ZNF609: variants seen among roughly 807,000 people sequenced by gnomAD.
ZNF609 encodes the protein zinc finger protein 609.
A neutral mutation model predicts 109.5 loss-of-function variants in ZNF609; 11 were observed. The ratio of observed to expected loss-of-function variants is 0.10; its 90% CI spans 0.06 to 0.17. The LOEUF is 0.17. Ranked by LOEUF, ZNF609 falls within the 10% of genes least tolerant of loss-of-function variation. The pLI, the probability that ZNF609 is intolerant of heterozygous loss-of-function variation, is 1.00. For synonymous variants in ZNF609, 646 were observed against 662.0 expected (o/e 0.98, Z 0.37); for missense variants, 1,559 against 1,772.4 (o/e 0.88, Z 2.16).
intron 3 of ZNF609, among the ~76,000 whole-genome samples, chr15:64,663,287 G>A (rs1896605054): frequency 6.6e-6 from 1 of 152,164 alleles, no homozygotes; most frequent in African/African-American, 2.4e-5. Context: ...TGATGGTCAG[G>A]TGTGGGGACA....
At chr15:64,463,945 T>C (rs1892976718) in intron 1 of ZNF609, among the ~76,000 whole-genome samples, 1 of 152,178 alleles carries the variant, frequency 6.6e-6, no homozygotes, top group East Asian at 1.9e-4. Flanking sequence ...TGATTAGATT[T>C]AGTGGCTTCA....
chr15:64,653,335 T>A (rs1896444091), intron 3 of ZNF609, among the ~76,000 whole-genome samples: 1 of 152,094 alleles, frequency 6.6e-6, no homozygotes, highest in Non-Finnish European at 1.5e-5. Context: ...TTTGTCCCCC[T>A]CATTCTAGAT....
intron 2 of ZNF609, among the ~76,000 whole-genome samples, chr15:64,537,307 A>T (rs1375700608): frequency 6.6e-6 from 1 of 151,710 alleles, no homozygotes; most frequent in African/African-American, 2.4e-5. Flanking sequence ...AGACCACCCT[A>T]ACCAACATGG....
intron 2 of ZNF609, among the ~76,000 whole-genome samples, chr15:64,519,949 G>A (rs780032420): frequency 6.6e-6 from 1 of 152,142 alleles, no homozygotes; most frequent in African/African-American, 2.4e-5. Flanking sequence ...GTATATGGAG[G>A]TTATAGTATA....
intron 8 of ZNF609, 97 bp downstream of exon 8, chr15:64,680,959 G>A (rs1204702873): frequency 1.5e-6 from 2 of 1,369,772 alleles, no homozygotes; most frequent in African/African-American, 1.5e-5. Context: ...CCTCCTACCT[G>A]CCTCATAAGA....
At chr15:64,625,020 AG>A (rs1477128617) in intron 3 of ZNF609, among the ~76,000 whole-genome samples, 1 of 152,004 alleles carries the variant, frequency 6.6e-6, no homozygotes, top group Non-Finnish European at 1.5e-5. Flanking sequence ...AACCTCCCAA[AG>A]TGCTGGGATT....
intron 1 of ZNF609, among the ~76,000 whole-genome samples, chr15:64,486,543 T>C (rs1263918031): frequency 2.7e-5 from 4 of 149,052 alleles, no homozygotes; most frequent in African/African-American, 9.9e-5. Flanking sequence ...AAAAAAAAAA[T>C]TGTTTTGTCT....
In ZNF609 at chr15:64,591,868, C is replaced by T. The variant is rs186184243; in HGVS notation, c.748-30959C>T. On this transcript the variant is annotated intron_variant, in intron 2 of 9. Coordinates refer to ENST00000326648, the MANE Select transcript of ZNF609 (RefSeq NM_015042.2). The stretch of plus-strand genomic sequence containing the variant: ...CTGGGACGACCGGCACACACCACCA[C>T]GCCCAGCTAATTTTTCTATTTTCAG... Among the ~76,000 whole-genome samples, 8 of 152,224 alleles carry T rather than the reference C, an allele frequency of 5.3e-5. No homozygotes were observed. The East Asian group carries it at 5.8e-4, about 11-fold the overall frequency.
chr15:64,562,473 C>G, intron 2 of ZNF609, among the ~76,000 whole-genome samples: 1 of 152,186 alleles, frequency 6.6e-6, no homozygotes, highest in South Asian at 2.1e-4. Flanking sequence ...CATCCTACCA[C>G]TATGCCTGGT....
intron 3 of ZNF609, among the ~76,000 whole-genome samples, chr15:64,638,574 T>C (rs1466138232): frequency 6.6e-6 from 1 of 152,082 alleles, no homozygotes; most frequent in Non-Finnish European, 1.5e-5. Flanking sequence ...AGCAAGTCAC[T>C]GATATCATTT....
intron 3 of ZNF609, among the ~76,000 whole-genome samples, chr15:64,642,291 C>G (rs896040192): frequency 6.6e-6 from 1 of 152,084 alleles, no homozygotes; most frequent in African/African-American, 2.4e-5. Flanking sequence ...TCAAGCAACC[C>G]TCTCACCTCA....
At chr15:64,552,620 C>G (rs1268516442) in intron 2 of ZNF609, among the ~76,000 whole-genome samples, 1 of 152,066 alleles carries the variant, frequency 6.6e-6, no homozygotes, top group Admixed American at 6.6e-5. Flanking sequence ...TCCCAAAATG[C>G]TGGAATTACA....
At chr15:64,616,613 A>G (rs1272946760) in intron 2 of ZNF609, among the ~76,000 whole-genome samples, 1 of 131,216 alleles carries the variant, frequency 7.6e-6, no homozygotes, top group Non-Finnish European at 1.5e-5. Context: ...TCCACCTCCC[A>G]GGTTCACGCC....
chr15:64,679,075 G>T (rs765313366), intron 6 of ZNF609, among the ~76,000 whole-genome samples: 13 of 152,130 alleles, frequency 8.5e-5, no homozygotes, highest in Non-Finnish European at 1.3e-4. Flanking sequence ...AATGTTTTTT[G>T]TTTGTTTGTT....
At chr15:64,471,215 G>A (rs1893085623) in intron 1 of ZNF609, 1 of 152,106 alleles carries the variant, frequency 6.6e-6, no homozygotes, top group South Asian at 2.1e-4. Flanking sequence ...AAAAAAATAA[G>A]TTAGGCGTGG....
chr15:64,643,578 TAA>T (rs796492021), intron 3 of ZNF609, among the ~76,000 whole-genome samples: 13 of 152,002 alleles, frequency 8.6e-5, no homozygotes, highest in African/African-American at 3.1e-4. Context: ...CTAGAGAGAG[TAA>T]AGAGGACTTT....
chr15:64,634,739 G>T (rs943944187), intron 3 of ZNF609, among the ~76,000 whole-genome samples: 15 of 152,084 alleles, frequency 9.9e-5, no homozygotes, highest in Admixed American at 9.8e-4. Flanking sequence ...GAATCCCGAA[G>T]AAATAGCTCT....
Position 64,495,945 on chromosome 15 carries a change from A to G in ZNF609, c.-127-3348A>G, listed in dbSNP as rs997358455. 3.9e-5 allele frequency among the ~76,000 whole-genome samples: 6 copies of G among 151,904 alleles called. No individual in the cohort carries two copies. In the East Asian group the frequency reaches 1.2e-3, roughly 29 times the overall value. On this transcript the variant is annotated intron_variant, in intron 1 of 9. Transcript: ENST00000326648. ...GTGATTCTCATGCCTCAGCCTCCCA[A>G]GTAAGTGGGATTACAGGCACATGCC...
intron 2 of ZNF609, among the ~76,000 whole-genome samples, chr15:64,511,842 G>A (rs1893736493): frequency 6.6e-6 from 1 of 151,520 alleles, no homozygotes; most frequent in Non-Finnish European, 1.5e-5. Flanking sequence ...AGCCTCTCGA[G>A]TAGCTGGGAT....
Sources: allele counts gnomAD v4.1 joint callset (sites outside exome capture counted in the v4.1 genomes callset), GRCh38; gene constraint gnomAD v4.1.1; transcripts MANE v1.5; gene names NCBI Gene and HGNC (gene_info 2026-07-23, HGNC 2026-07-21).